The following RNF182 variants were observed in gnomAD, a reference collection of about 807,000 sequenced individuals.
RNF182 encodes ring finger protein 182.
RNF182 carries 15 observed loss-of-function variants against 14.4 expected under a neutral mutation model. The ratio of observed to expected loss-of-function variants is 1.04; its 90% CI spans 0.70 to 1.60. RNF182 has a LOEUF of 1.60. Among genes scored for constraint, RNF182 ranks in the 40% most tolerant of loss-of-function variants. The pLI is 0.00. For missense variants in RNF182, 268 were observed against 294.8 expected (o/e 0.91, Z 0.67); for synonymous variants, 128 against 122.9 (o/e 1.04, Z -0.27).
intron 1 of RNF182, among the ~76,000 whole-genome samples, chr6:13,957,065 T>C (rs934300235): frequency 6.6e-6 from 1 of 152,146 alleles, no homozygotes; most frequent in Non-Finnish European, 1.5e-5. Flanking sequence ...CAAACTAGAG[T>C]GACTCCATCT....
At chr6:13,938,032 CAG>C (rs1759182982) in intron 1 of RNF182, among the ~76,000 whole-genome samples, 2 of 85,214 alleles carry the variant, frequency 2.3e-5, no homozygotes, top group African/African-American at 8.4e-5. Context: ...TTTTTTGAGA[CAG>C]AGTTTCTGTC....
chr6:13,969,262 C>T (rs1316583271), intron 1 of RNF182, among the ~76,000 whole-genome samples: 1 of 152,116 alleles, frequency 6.6e-6, no homozygotes, highest in Non-Finnish European at 1.5e-5. Flanking sequence ...TCCCCTGGTC[C>T]CTGTCCTGTC....
chr6:13,965,781 G>T (rs975163230), intron 1 of RNF182, among the ~76,000 whole-genome samples: 7 of 152,184 alleles, frequency 4.6e-5, no homozygotes, highest in Admixed American at 2.0e-4. Flanking sequence ...GGCTTTAATT[G>T]GGTGCTGGGG....
intron 1 of RNF182, among the ~76,000 whole-genome samples, chr6:13,948,152 G>A (rs774823165): frequency 3.9e-5 from 6 of 152,164 alleles, no homozygotes; most frequent in Non-Finnish European, 8.8e-5. Flanking sequence ...CAATATTTAT[G>A]AATACATTAG....
At position 13,979,038 on chromosome 6, in the gene RNF182, C is replaced by T. The variant is rs1350082105; in HGVS notation, c.*1175C>T. The T allele has an allele frequency of 6.0e-6, 1 of 167,028 alleles. No individual in the cohort carries two copies. Among genetic ancestry groups the T allele is most frequent in the African/African-American group, 2.4e-5 (1 of 41,438 alleles). The allele number at this position is 167,028 out of a possible 1,614,324, so 10.3% of individuals were successfully genotyped here. On this transcript the variant is annotated 3_prime_UTR_variant, in exon 3 of 3. Transcript: ENST00000488300. ...AGCTGAAGCCCTGCTTGAAAAGACC[C>T]TTCAAGGAAGTAAAATGGCAGGGGC...
At chr6:13,940,715 A>T (rs1286972163) in intron 1 of RNF182, among the ~76,000 whole-genome samples, 2 of 152,116 alleles carry the variant, frequency 1.3e-5, no homozygotes, top group Non-Finnish European at 2.9e-5. Context: ...TTTCTAACAT[A>T]TGCATTCGAA....
At chr6:13,976,166 G>C (rs1760316140) in intron 2 of RNF182, among the ~76,000 whole-genome samples, 1 of 152,172 alleles carries the variant, frequency 6.6e-6, no homozygotes, top group South Asian at 2.1e-4. Context: ...ACATAGCTAT[G>C]CATGTTTTAT....
At chr6:13,945,508 G>A (rs1339052705) in intron 1 of RNF182, among the ~76,000 whole-genome samples, 1 of 152,098 alleles carries the variant, frequency 6.6e-6, no homozygotes, top group African/African-American at 2.4e-5. Flanking sequence ...TGTTTAGTGT[G>A]ATGCTATAGG....
chr6:13,960,434 GA>G lies in RNF182; in HGVS notation c.-366-13774del, dbSNP rs374893497. On this transcript the variant is annotated intron_variant, in intron 1 of 2. Transcript: ENST00000488300. ...AGGCAGGAGGATCACTTGAGGCCAG[GA>G]ATTTGAGACCAGTCTGGGCAATATA... 9.9e-5 allele frequency among the ~76,000 whole-genome samples: 15 copies of G among 152,172 alleles called. 1 individual carries two copies. The East Asian group carries it at 2.3e-3, about 24-fold the overall frequency.
At chr6:13,926,361 C>T (rs1354339149) in intron 1 of RNF182, among the ~76,000 whole-genome samples, 1 of 152,230 alleles carries the variant, frequency 6.6e-6, no homozygotes, top group Non-Finnish European at 1.5e-5. Flanking sequence ...TAATATTCCT[C>T]TTCCCTCTTT....
rs535247244 is a variant in RNF182, at chr6:13,937,577, T to C, written c.-367+12554T>C. ...AATTTTTAAAATCATTTACTGTTCATAGACATTTGGGTTGTTCCCATTTCA... is the reference window on the plus strand; with the variant it reads ...AATTTTTAAAATCATTTACTGTTCACAGACATTTGGGTTGTTCCCATTTCA... On this transcript the variant is annotated intron_variant, in intron 1 of 2. Transcript: ENST00000488300. Among the ~76,000 whole-genome samples, 15 of 152,376 alleles carry C rather than the reference T, an allele frequency of 9.8e-5. No individual in the cohort carries two copies. The South Asian group carries it at 2.7e-3, about 27-fold the overall frequency.
chr6:13,930,312 A>G (rs1266768787), intron 1 of RNF182, among the ~76,000 whole-genome samples: 1 of 152,224 alleles, frequency 6.6e-6, no homozygotes, highest in Non-Finnish European at 1.5e-5. Context: ...AGATTTTGGT[A>G]TCCTTGGGGG....
chr6:13,958,423 G>A (rs4715723), intron 1 of RNF182, among the ~76,000 whole-genome samples: 119,059 of 152,034 alleles, frequency 0.78, 48,252 homozygotes, highest in Middle Eastern at 0.91. Flanking sequence ...TAATCTGAAA[G>A]TCTACATTAT....
chr6:13,936,868 TA>T (rs1759123599), intron 1 of RNF182, among the ~76,000 whole-genome samples: 1 of 151,892 alleles, frequency 6.6e-6, no homozygotes, highest in Admixed American at 6.6e-5. Flanking sequence ...CAGGGCATCA[TA>T]AAAGCTTAGA....
At chr6:13,933,464 C>G (rs1051315341) in intron 1 of RNF182, among the ~76,000 whole-genome samples, 8 of 151,636 alleles carry the variant, frequency 5.3e-5, no homozygotes, top group Admixed American at 5.3e-4. Flanking sequence ...GTTCAGGTTT[C>G]CATGAGCCAT....
intron 1 of RNF182, among the ~76,000 whole-genome samples, chr6:13,972,995 C>T (rs952645719): frequency 6.6e-5 from 10 of 152,220 alleles, no homozygotes. Flanking sequence ...ACATTCAATG[C>T]CAGCCTGTGA....
intron 1 of RNF182, among the ~76,000 whole-genome samples, chr6:13,973,909 T>G (rs945849722): frequency 6.6e-6 from 1 of 152,188 alleles, no homozygotes; most frequent in Non-Finnish European, 1.5e-5. Context: ...ATTAATGGAC[T>G]CATACAGTAT....
chr6:13,945,696 A>T (rs1242889686), intron 1 of RNF182, among the ~76,000 whole-genome samples: 1 of 152,204 alleles, frequency 6.6e-6, no homozygotes, highest in Non-Finnish European at 1.5e-5. Context: ...TTTTTGTGTT[A>T]AACAGTAAAA....
chr6:13,977,474 G>A lies in RNF182; in HGVS notation c.355G>A (p.Val119Ile), dbSNP rs762353538. 6.2e-7 allele frequency: 1 copy of A among 1,614,022 alleles called. No homozygotes were observed. The highest frequency in any genetic ancestry group is 1.7e-5 in the Admixed American group (1 of 60,000). Residue 119 changes from valine (V) to isoleucine (I), a missense_variant, in exon 3 of 3, where the codon GTC (valine) becomes ATC (isoleucine). By Grantham distance (29) the Val-to-Ile change is conservative. Coordinates refer to ENST00000488300, the MANE Select transcript of RNF182 (RefSeq NM_152737.4). ...CACCCCCAAGAGGCTGGCCTCTCTG[G>A]TCAGTCCTTCTCACACGTCCTCCAA... ...LLTPKRLASL[V>I]SPSHTSSNCL...
Sources: allele counts gnomAD v4.1 joint callset (sites outside exome capture counted in the v4.1 genomes callset), GRCh38; gene constraint gnomAD v4.1.1; transcripts MANE v1.5; gene names NCBI Gene and HGNC (gene_info 2026-07-23, HGNC 2026-07-21).